The following ATRNL1 variants were observed in gnomAD, a reference collection of about 807,000 sequenced individuals.
ATRNL1 encodes attractin like 1.
ATRNL1 carries 95 observed loss-of-function variants against 182.7 expected under a neutral mutation model. That is an observed-to-expected ratio of 0.52 (90% CI 0.44 to 0.62). The LOEUF is 0.62. Ranked by LOEUF, ATRNL1 falls within the 20% of genes least tolerant of loss-of-function variation. The pLI is 0.00. For missense variants in ATRNL1, 1,471 were observed against 1,679.5 expected (o/e 0.88, Z 2.17); for synonymous variants, 576 against 568.3 (o/e 1.01, Z -0.19).
intron 5 of ATRNL1, among the ~76,000 whole-genome samples, chr10:115,132,500 T>C (rs1433997030): frequency 1.4e-3 from 214 of 152,242 alleles, no homozygotes; most frequent in African/African-American, 4.5e-3. Flanking sequence ...CTTGAGGAAT[T>C]GCCACACTGT....
At chr10:115,295,546 C>A (rs556679141) in intron 15 of ATRNL1, among the ~76,000 whole-genome samples, 258 of 152,238 alleles carry the variant, frequency 1.7e-3, no homozygotes, top group African/African-American at 6.1e-3. Flanking sequence ...AAGGGCCTGC[C>A]TGGAGAGGTT....
rs375389737 is a variant in ATRNL1, at chr10:115,127,576, G to A, written c.492-17G>A. The A allele has an allele frequency of 8.8e-6, 14 of 1,599,192 alleles. No individual in the cohort carries two copies. Among genetic ancestry groups the A allele is most frequent in the Non-Finnish European group, 1.2e-5 (14 of 1,171,664 alleles). ...TGTATATCTATACATACAATATTCA[G>A]TTTTGTTCTCTTTTAGTGGTTTGAT... On this transcript the variant is annotated splice_polypyrimidine_tract_variant and intron_variant, in intron 3 of 28. Transcript: ENST00000355044.
intron 26 of ATRNL1, among the ~76,000 whole-genome samples, chr10:115,620,164 A>G (rs1309641593): frequency 2.6e-5 from 4 of 152,204 alleles, no homozygotes; most frequent in African/African-American, 9.6e-5. Flanking sequence ...AAGAAGAGGA[A>G]GGGAAATCAT....
At chr10:115,504,650 C>T (rs571132613) in intron 24 of ATRNL1, among the ~76,000 whole-genome samples, 1 of 152,090 alleles carries the variant, frequency 6.6e-6, no homozygotes, top group East Asian at 1.9e-4. Context: ...GCTGGCAATT[C>T]TTAACACATT....
In ATRNL1 at chr10:115,265,267, G is replaced by A. The variant is rs1554910203; in HGVS notation, c.1762G>A (p.Val588Ile). Residue 588 changes from valine to isoleucine, a missense_variant, in exon 11 of 29, where the codon GTC (valine) becomes ATC (isoleucine). Physicochemically the swap from Val to Ile is conservative, Grantham distance 29. Around this residue, in one of 3 missense-constraint regions of ATRNL1, gnomAD observed 1,031 missense variants for 1,156.0 expected, o/e 0.89. Transcript: ENST00000355044. ...CAACAGATTTGGACACTCTGCAGTAGTCATTAACGGGTAAAAGAAGCACAT... is the reference window on the plus strand; with the variant it reads ...CAACAGATTTGGACACTCTGCAGTAATCATTAACGGGTAAAAGAAGCACAT... The part of the protein sequence containing the change: ...DVNRFGHSAV[V>I]INGSMYIFGG... The A allele has an allele frequency of 6.3e-7, 1 of 1,599,078 alleles. No homozygotes were observed. The highest frequency in any genetic ancestry group is 1.7e-5 in the Admixed American group (1 of 58,998).
At position 115,654,494 on chromosome 10, in the gene ATRNL1, C is replaced by T. The variant is rs375260769; in HGVS notation, c.3796-72754C>T. On this transcript the variant is annotated intron_variant, in intron 26 of 28. Transcript: ENST00000355044. ...TCAGCCTCCCAAAGTGCAGGGATTA[C>T]AGGCATGAGCAACTATCATTCCCAT... is the stretch of plus-strand genomic sequence containing the variant. Among the ~76,000 whole-genome samples, 39 of 152,292 alleles carry T rather than the reference C, an allele frequency of 2.6e-4. 1 individual carries two copies. The South Asian group carries it at 7.9e-3, about 31-fold the overall frequency.
intron 21 of ATRNL1, among the ~76,000 whole-genome samples, chr10:115,448,501 A>G (rs1554967051): frequency 6.6e-6 from 1 of 152,182 alleles, no homozygotes; most frequent in Non-Finnish European, 1.5e-5. Context: ...ACATACCAGA[A>G]TCTCTGGGAT....
intron 19 of ATRNL1, among the ~76,000 whole-genome samples, chr10:115,362,363 T>C (rs1213931695): frequency 6.6e-6 from 1 of 152,116 alleles, no homozygotes; most frequent in African/African-American, 2.4e-5. Flanking sequence ...GTGAAAATTA[T>C]GTATATTTAT....
At chr10:115,640,551 G>A (rs1174134726) in intron 26 of ATRNL1, among the ~76,000 whole-genome samples, 6 of 152,066 alleles carry the variant, frequency 3.9e-5, no homozygotes, top group Non-Finnish European at 7.4e-5. Flanking sequence ...TTTTTCATAC[G>A]TTTGTTGGCC....
intron 19 of ATRNL1, among the ~76,000 whole-genome samples, chr10:115,369,832 T>G (rs1857294829): frequency 6.6e-6 from 1 of 152,234 alleles, no homozygotes; most frequent in Non-Finnish European, 1.5e-5. Context: ...ATAAATGATG[T>G]GGAATATCTT....
Position 115,467,162 on chromosome 10 carries a change from C to A in ATRNL1, c.3418-12C>A. On this transcript the variant is annotated splice_polypyrimidine_tract_variant and intron_variant, in intron 22 of 28. Coordinates refer to ENST00000355044, the MANE Select transcript of ATRNL1 (RefSeq NM_207303.4). Reference sequence around the variant, plus strand: ...TTTCGTTTTTTAACCTTAATATTTTCTTTTCTGGTAGTCGAACAAAAATCT... The same window carrying A: ...TTTCGTTTTTTAACCTTAATATTTTATTTTCTGGTAGTCGAACAAAAATCT... 6.3e-7 allele frequency: 1 copy of A among 1,577,828 alleles called. No individual in the cohort carries two copies. Among genetic ancestry groups the A allele is most frequent in the East Asian group, 2.3e-5 (1 of 43,922 alleles).
chr10:115,584,093 T>C (rs200877525), intron 26 of ATRNL1, among the ~76,000 whole-genome samples: 1 of 151,156 alleles, frequency 6.6e-6, no homozygotes, highest in Non-Finnish European at 1.5e-5. Flanking sequence ...GCATCCCAGG[T>C]ATGAAGCCCA....
intron 26 of ATRNL1, among the ~76,000 whole-genome samples, chr10:115,709,069 T>A (rs563557191): frequency 6.6e-6 from 1 of 151,956 alleles, no homozygotes; most frequent in South Asian, 2.1e-4. Flanking sequence ...ATTCATTACT[T>A]TTTTATTCCT....
intron 25 of ATRNL1, among the ~76,000 whole-genome samples, chr10:115,528,027 C>T (rs1247385102): frequency 0.015 from 713 of 47,364 alleles, 23 homozygotes; most frequent in African/African-American, 0.071. Flanking sequence ...CCTTCCTTCC[C>T]TCCTTCCTTT....
chr10:115,277,372 T>A (rs1378629206), intron 13 of ATRNL1, among the ~76,000 whole-genome samples: 2 of 152,050 alleles, frequency 1.3e-5, no homozygotes, highest in Non-Finnish European at 2.9e-5. Context: ...GGAATGGAGG[T>A]GATGGCAATG....
intron 8 of ATRNL1, among the ~76,000 whole-genome samples, chr10:115,184,568 G>A (rs137999482): frequency 2.6e-4 from 39 of 151,674 alleles, no homozygotes; most frequent in African/African-American, 8.4e-4. Context: ...CAGAAAACAA[G>A]TATGTTGGTT....
intron 26 of ATRNL1, among the ~76,000 whole-genome samples, chr10:115,565,299 C>T (rs1171104456): frequency 6.6e-6 from 1 of 151,916 alleles, no homozygotes; most frequent in Non-Finnish European, 1.5e-5. Flanking sequence ...TGTTGGCAAA[C>T]TGCTTTAGAT....
intron 15 of ATRNL1, among the ~76,000 whole-genome samples, chr10:115,289,055 G>C (rs1291574218): frequency 6.6e-6 from 1 of 152,158 alleles, no homozygotes; most frequent in Non-Finnish European, 1.5e-5. Flanking sequence ...GTTCCACATG[G>C]CTGGGGAGGC....
chr10:115,581,302 C>T (rs1422672566), intron 26 of ATRNL1, among the ~76,000 whole-genome samples: 2 of 152,016 alleles, frequency 1.3e-5, no homozygotes, highest in East Asian at 1.9e-4. Context: ...CCAAGACAGA[C>T]AAGATAGAAG....
Sources: allele counts gnomAD v4.1 joint callset (sites outside exome capture counted in the v4.1 genomes callset), GRCh38; gene constraint gnomAD v4.1.1; regional missense constraint gnomAD v4.1.1; transcripts MANE v1.5; gene names NCBI Gene and HGNC (gene_info 2026-07-23, HGNC 2026-07-21).